The following CADM2 variants were observed in gnomAD, a reference collection of about 807,000 sequenced individuals.
The protein encoded by CADM2 is cell adhesion molecule 2.
Under a neutral mutation model 49.8 loss-of-function variants are expected in CADM2, and 12 were observed. The ratio of observed to expected loss-of-function variants is 0.24; its 90% CI spans 0.15 to 0.39. The LOEUF (loss-of-function observed/expected upper bound fraction) is 0.39. Ranked by LOEUF, CADM2 falls within the 10% of genes least tolerant of loss-of-function variation. The probability of loss-of-function intolerance (pLI) is 1.00; values close to 1 mark genes in which losing one functional copy is unlikely to be tolerated. For missense variants in CADM2, 378 were observed against 492.3 expected, an observed-to-expected ratio of 0.77 and a Z score of 2.20; for synonymous variants, 214 against 175.4, an observed-to-expected ratio of 1.22 and a Z score of -1.74.
intron 1 of CADM2, among the ~76,000 whole-genome samples, chr3:85,645,746 G>GT (rs905135763): frequency 8.6e-5 from 13 of 151,930 alleles, no homozygotes; most frequent in African/African-American, 3.1e-4. Context: ...TGGATATAGT[G>GT]TTTTTTCTAT....
At chr3:85,086,845 G>A (rs1213654218) in intron 1 of CADM2, among the ~76,000 whole-genome samples, 2 of 152,062 alleles carry the variant, frequency 1.3e-5, no homozygotes, top group East Asian at 3.9e-4. Context: ...ATTTATCGCA[G>A]CATGTCCAAG....
At chr3:85,175,398 A>G (rs2040752048) in intron 1 of CADM2, among the ~76,000 whole-genome samples, 2 of 152,234 alleles carry the variant, frequency 1.3e-5, no homozygotes, top group Non-Finnish European at 1.5e-5. Flanking sequence ...AAAATGTGGT[A>G]TATAAATACA....
chr3:85,740,029 A>C (rs2068313133), intron 2 of CADM2, among the ~76,000 whole-genome samples: 1 of 152,198 alleles, frequency 6.6e-6, no homozygotes, highest in Non-Finnish European at 1.5e-5. Flanking sequence ...ATCTGTTATG[A>C]GTAACAGTAT....
Position 85,236,298 on chromosome 3 carries a change from C to A in CADM2, c.61+276630C>A, listed in dbSNP as rs116240935. Among the ~76,000 whole-genome samples the A allele has an allele frequency of 7.3e-3, 1,114 of 151,884 alleles. 7 individuals are homozygous for A. The highest frequency in any genetic ancestry group is 0.02 in the Middle Eastern group (6 of 294). ...ATATGCATAAAATTGGATTATTAATCTTTATCATTTTTGTGTAATAGCATC... is the reference window on the plus strand; with the variant it reads ...ATATGCATAAAATTGGATTATTAATATTTATCATTTTTGTGTAATAGCATC... On this transcript the variant is annotated intron_variant, in intron 1 of 9. Coordinates refer to ENST00000383699, the MANE Select transcript of CADM2 (RefSeq NM_001167675.2).
intron 3 of CADM2, among the ~76,000 whole-genome samples, chr3:85,865,618 A>G (rs1264854254): frequency 1.3e-5 from 2 of 152,212 alleles, no homozygotes; most frequent in Non-Finnish European, 2.9e-5. Context: ...GTGGAAAAAA[A>G]GTTTATTTCT....
intron 8 of CADM2, among the ~76,000 whole-genome samples, chr3:85,970,838 G>A (rs1284072659): frequency 1.3e-5 from 2 of 151,246 alleles, no homozygotes; most frequent in Admixed American, 1.3e-4. Context: ...AATGAGAAGC[G>A]GTATCAAGAT....
At chr3:85,456,846 T>C (rs76196517) in intron 1 of CADM2, among the ~76,000 whole-genome samples, 6 of 150,212 alleles carry the variant, frequency 4.0e-5, no homozygotes, top group Non-Finnish European at 7.4e-5. Context: ...TTTTTTTTTT[T>C]CGAAATACTC....
chr3:85,100,134 A>T (rs1371483820), intron 1 of CADM2, among the ~76,000 whole-genome samples: 1 of 152,154 alleles, frequency 6.6e-6, no homozygotes, highest in Non-Finnish European at 1.5e-5. Context: ...CACTATTTTA[A>T]AACCTTCTCC....
chr3:86,047,411 C>T (rs1736810086), intron 8 of CADM2, among the ~76,000 whole-genome samples: 1 of 152,140 alleles, frequency 6.6e-6, no homozygotes. Flanking sequence ...CTGAAATACA[C>T]ATGGTAATTA....
chr3:85,788,979 T>C (rs982785792), intron 2 of CADM2, among the ~76,000 whole-genome samples: 2 of 152,112 alleles, frequency 1.3e-5, no homozygotes, highest in African/African-American at 4.8e-5. Flanking sequence ...TTCTTTACTA[T>C]ATCAACCTTC....
intron 8 of CADM2, among the ~76,000 whole-genome samples, chr3:86,000,725 C>T (rs758824792): frequency 2.0e-5 from 3 of 151,376 alleles, no homozygotes; most frequent in Non-Finnish European, 4.4e-5. Context: ...CCTGAAAGAG[C>T]ACCAATAAGG....
At chr3:85,309,776 A>T (rs1365336595) in intron 1 of CADM2, among the ~76,000 whole-genome samples, 1 of 152,174 alleles carries the variant, frequency 6.6e-6, no homozygotes, top group South Asian at 2.1e-4. Context: ...TTATCCCTGT[A>T]TCAAGTCAGA....
At chr3:85,588,473 T>G (rs1380674011) in intron 1 of CADM2, among the ~76,000 whole-genome samples, 1 of 152,022 alleles carries the variant, frequency 6.6e-6, no homozygotes, top group Admixed American at 6.6e-5. Flanking sequence ...GCATTAACAT[T>G]TTATACGTTG....
At chr3:85,787,528 A>G (rs889738457) in intron 2 of CADM2, among the ~76,000 whole-genome samples, 1 of 152,088 alleles carries the variant, frequency 6.6e-6, no homozygotes, top group Non-Finnish European at 1.5e-5. Context: ...ATCCAGGCAT[A>G]CTCAAGTCCC....
chr3:85,159,549 A>G (rs2040250080), intron 1 of CADM2, among the ~76,000 whole-genome samples: 1 of 152,166 alleles, frequency 6.6e-6, no homozygotes, highest in Non-Finnish European at 1.5e-5. Context: ...TTAAATGGAA[A>G]AATTTTTCGT....
chr3:85,282,514 T>C (rs115146895), intron 1 of CADM2, among the ~76,000 whole-genome samples: 10,121 of 148,636 alleles, frequency 0.068, 1,126 homozygotes, highest in African/African-American at 0.23. Context: ...TCAAACAATC[T>C]ACCCGCCTCG....
In CADM2 at chr3:85,175,974, G is replaced by A. The variant is rs557973120; in HGVS notation, c.61+216306G>A. The stretch of plus-strand genomic sequence containing the variant: ...GACGGAGTCTCGCTCTGTCGCCCAG[G>A]CTGGAGTGCAGTGGCGGGATCTCGG... On this transcript the variant is annotated intron_variant, in intron 1 of 9. Coordinates refer to ENST00000383699, the MANE Select transcript of CADM2 (RefSeq NM_001167675.2). Among the ~76,000 whole-genome samples, 214 of 132,724 alleles carry A rather than the reference G, an allele frequency of 1.6e-3. 2 individuals carry two copies. In the Middle Eastern group the frequency reaches 0.024, roughly 15 times the overall value. 87.1% of individuals were successfully genotyped at this position (132,724 alleles called of 152,430 possible).
intron 1 of CADM2, among the ~76,000 whole-genome samples, chr3:85,667,052 T>C (rs903325468): frequency 3.3e-5 from 5 of 152,076 alleles, no homozygotes; most frequent in Non-Finnish European, 7.4e-5. Flanking sequence ...GCTTACATTC[T>C]TATAACAGAA....
intron 7 of CADM2, among the ~76,000 whole-genome samples, chr3:85,947,553 A>G (rs549375039): frequency 6.6e-6 from 1 of 150,854 alleles, no homozygotes; most frequent in African/African-American, 2.4e-5. Flanking sequence ...TCAAAATTGA[A>G]AAAAAAAATG....
Sources: allele counts gnomAD v4.1 joint callset (sites outside exome capture counted in the v4.1 genomes callset), GRCh38; gene constraint gnomAD v4.1.1; transcripts MANE v1.5; gene names NCBI Gene and HGNC (gene_info 2026-07-23, HGNC 2026-07-21).